Variants in UGP2 observed in about 807,000 individuals in gnomAD.
The protein encoded by UGP2 is UTP--glucose-1-phosphate uridylyltransferase.
In UGP2, 40 loss-of-function variants were observed where a neutral mutation model predicts 49.0. The observed-to-expected ratio is 0.82, with a 90% CI of 0.63 to 1.06. The LOEUF is 1.06. UGP2 is among the 50% of genes least tolerant of loss of function. The probability of loss-of-function intolerance (pLI) is 0.00; values close to 1 mark genes in which losing one functional copy is unlikely to be tolerated. For synonymous variants in UGP2, 225 were observed against 213.0 expected, an observed-to-expected ratio of 1.06 and a Z score of -0.49; for missense variants, 460 against 603.5, an observed-to-expected ratio of 0.76 and a Z score of 2.49.
intron 1 of UGP2, chr2:63,854,906 G>T (rs1669286062): frequency 6.6e-6 from 1 of 152,276 alleles, no homozygotes; most frequent in Non-Finnish European, 1.5e-5. Flanking sequence ...ACTTAGACCT[G>T]TGTTGACAGA....
intron 6 of UGP2, 142 bp from the exon 7 acceptor site, chr2:63,886,199 A>AT (rs1671659319): frequency 1.1e-6 from 1 of 888,740 alleles, no homozygotes; most frequent in Admixed American, 2.4e-5. Context: ...TTTAAATGTT[A>AT]TTTCATTGTC....
chr2:63,876,365 T>C (rs1256422984), intron 3 of UGP2, among the ~76,000 whole-genome samples: 1 of 152,104 alleles, frequency 6.6e-6, no homozygotes, highest in Non-Finnish European at 1.5e-5. Flanking sequence ...CCTGTGTCTT[T>C]TGAGGGGTGG....
At chr2:63,861,925 T>G (rs1300115488) in intron 3 of UGP2, among the ~76,000 whole-genome samples, 1 of 152,120 alleles carries the variant, frequency 6.6e-6, no homozygotes, top group Non-Finnish European at 1.5e-5. Flanking sequence ...TAAAAGCTAT[T>G]GTTTATTTAT....
Position 63,860,785 on chromosome 2 carries a change from G to A in UGP2, c.255+2849G>A, listed in dbSNP as rs748458224. On this transcript the variant is annotated intron_variant, in intron 3 of 9. Coordinates refer to ENST00000337130, the MANE Select transcript of UGP2 (RefSeq NM_006759.4). Reference sequence around the variant, plus strand: ...TAATTTTTTTTTTTTTTTTTTTTTTGTAGAGACAGGGTCTCCCTATGTTGT... The same window carrying A: ...TAATTTTTTTTTTTTTTTTTTTTTTATAGAGACAGGGTCTCCCTATGTTGT... 4.9e-3 allele frequency among the ~76,000 whole-genome samples: 112 copies of A among 22,720 alleles called. 1 individual carries two copies. Among genetic ancestry groups the A allele is most frequent in the Non-Finnish European group, 9.1e-3 (92 of 10,162 alleles). The allele number at this position is 22,720 out of a possible 152,430, so 14.9% of individuals were successfully genotyped here.
intron 1 of UGP2, among the ~76,000 whole-genome samples, chr2:63,847,124 A>G (rs1400432341): frequency 3.3e-5 from 5 of 152,224 alleles, no homozygotes; most frequent in African/African-American, 1.2e-4. Context: ...AGGAAAAAAA[A>G]TTGATAAGGG....
At chr2:63,842,399 TG>T in intron 1 of UGP2, 195 bp downstream of exon 1, 1 of 1,588,894 alleles carries the variant, frequency 6.3e-7, no homozygotes, top group Non-Finnish European at 8.5e-7. Flanking sequence ...TTTATGCTCC[TG>T]TACCCTGCTG....
intron 3 of UGP2, among the ~76,000 whole-genome samples, chr2:63,878,369 T>A (rs1671065067): frequency 6.6e-6 from 1 of 152,244 alleles, no homozygotes. Context: ...CACTGATAAT[T>A]GCATAACACT....
Position 63,885,603 on chromosome 2 carries a change from ATAAAGAATCTT to A in UGP2, c.593_603del (p.Lys198ThrfsTer24), listed in dbSNP as rs752730861. 6.4e-7 allele frequency: 1 copy of A among 1,559,974 alleles called. No homozygotes were observed. The highest frequency in any genetic ancestry group is 8.6e-7 in the Non-Finnish European group (1 of 1,159,940). On this transcript the variant is annotated frameshift_variant, in exon 6 of 10. Transcript: ENST00000337130. LOFTEE classifies it high-confidence loss of function. ...TTTTTTTAAAGGTACCCGAGGATTA[ATAAAGAATCTT>A]TACTTCCTGTAGCAAAGGACGTGTC...
At chr2:63,884,367 A>G (rs898922116) in intron 5 of UGP2, among the ~76,000 whole-genome samples, 3 of 152,146 alleles carry the variant, frequency 2.0e-5, no homozygotes, top group South Asian at 4.1e-4. Context: ...CTGAGAGCAT[A>G]TTTGGTCTCC....
chr2:63,850,556 T>C (rs192286772), intron 1 of UGP2, among the ~76,000 whole-genome samples: 1 of 152,376 alleles, frequency 6.6e-6, no homozygotes, highest in Non-Finnish European at 1.5e-5. Context: ...CCAATTTTGT[T>C]TAATCTCTAA....
rs533617602 is a variant in UGP2 at position 63,852,140 on chromosome 2, C to T, written c.20-4166C>T. On this transcript the variant is annotated intron_variant, in intron 1 of 9. Coordinates refer to ENST00000337130, the MANE Select transcript of UGP2 (RefSeq NM_006759.4). ...CTGGTGCCATCTCTGAAACACAGGG[C>T]ATTGGGGCAGGGAGTTGGTGACAGA... 1.5e-3 allele frequency among the ~76,000 whole-genome samples: 233 copies of T among 152,250 alleles called. 1 individual carries two copies. Among genetic ancestry groups the T allele is most frequent in the Non-Finnish European group, 1.9e-3 (131 of 68,016 alleles).
At chr2:63,848,379 A>T (rs1668812380) in intron 1 of UGP2, among the ~76,000 whole-genome samples, 1 of 152,160 alleles carries the variant, frequency 6.6e-6, no homozygotes, top group Non-Finnish European at 1.5e-5. Flanking sequence ...TTATTTATTC[A>T]TTGAGACGGA....
chr2:63,863,539 A>C (rs1388688269), intron 3 of UGP2, among the ~76,000 whole-genome samples: 1 of 152,206 alleles, frequency 6.6e-6, no homozygotes, highest in African/African-American at 2.4e-5. Context: ...GAAGAAATAA[A>C]ATGCTGTAAG....
At chr2:63,862,864 C>G (rs1558944089) in intron 3 of UGP2, 2 of 456,158 alleles carry the variant, frequency 4.4e-6, no homozygotes, top group African/African-American at 2.0e-5. Context: ...AAGGGAGATA[C>G]AAGATGATTT....
Position 63,849,638 on chromosome 2 carries a change from G to A in UGP2, c.20-6668G>A, listed in dbSNP as rs146237551. The stretch of plus-strand genomic sequence containing the variant: ...GTTTTAACCTCACATAGCAGACATA[G>A]TTGAGCTGCCGGTTTTCATTCAGAT... On this transcript the variant is annotated intron_variant, in intron 1 of 9. Coordinates refer to ENST00000337130, the MANE Select transcript of UGP2 (RefSeq NM_006759.4). Among the ~76,000 whole-genome samples the A allele has an allele frequency of 5.6e-4, 86 of 152,338 alleles. No individual in the cohort carries two copies. In the East Asian group the frequency reaches 0.014, roughly 25 times the overall value.
chr2:63,879,163 G>A (rs1255196275), intron 3 of UGP2, among the ~76,000 whole-genome samples: 5 of 152,068 alleles, frequency 3.3e-5, no homozygotes, highest in Non-Finnish European at 5.9e-5. Flanking sequence ...TAGAATTAAG[G>A]TGTAATCTAG....
intron 3 of UGP2, among the ~76,000 whole-genome samples, chr2:63,881,146 T>A (rs1170683464): frequency 6.6e-6 from 1 of 152,208 alleles, no homozygotes; most frequent in Non-Finnish European, 1.5e-5. Flanking sequence ...TAACATAGTA[T>A]ATTGCAGGGT....
intron 3 of UGP2, among the ~76,000 whole-genome samples, chr2:63,875,094 A>G (rs1256452452): frequency 6.6e-6 from 1 of 152,232 alleles, no homozygotes; most frequent in Non-Finnish European, 1.5e-5. Context: ...GATTTTGGTT[A>G]TTACCTTTAG....
Position 63,882,633 on chromosome 2 carries a change from G to T in UGP2, c.423G>T (p.Leu141=). 6.3e-7 allele frequency: 1 copy of T among 1,577,702 alleles called. No homozygotes were observed. Among genetic ancestry groups the T allele is most frequent in the South Asian group, 1.2e-5 (1 of 86,060 alleles). ...GVRNENTFLD[L]TVQQIEHLNK... is the part of the protein sequence containing the mutation. ...GGAATGAGAATACCTTTCTGGATCT[G>T]ACTGTTCAGCAAATTGAAGTGAGTA... Residue 141 remains leucine (L), a synonymous_variant, in exon 4 of 10, where the codon CTG becomes CTT. Coordinates refer to ENST00000337130, the MANE Select transcript of UGP2 (RefSeq NM_006759.4).
Sources: gnomAD v4.1 joint callset for allele counts (sites outside exome capture counted in the v4.1 genomes callset) on GRCh38, gnomAD v4.1.1 for gene constraint, MANE v1.5 for transcripts, NCBI Gene and HGNC (gene_info 2026-07-23, HGNC 2026-07-21) for gene names.